Variants in SPARC observed in about 807,000 individuals in gnomAD.
SPARC encodes the protein secreted protein acidic and cysteine rich.
A neutral mutation model predicts 37.7 loss-of-function variants in SPARC; 23 were observed. The ratio of observed to expected loss-of-function variants is 0.61; its 90% confidence interval spans 0.44 to 0.87. SPARC has a LOEUF of 0.87. SPARC is among the 40% of genes least tolerant of loss of function. The pLI is 0.00. For synonymous variants in SPARC, 155 were observed against 150.8 expected (o/e 1.03, Z -0.20); for missense variants, 312 against 389.0 (o/e 0.80, Z 1.66).
rs200935058 is a variant in SPARC at position 151,663,562 on chromosome 5, G to A, written c.*9C>T. The A allele has an allele frequency of 1.7e-5, 27 of 1,613,014 alleles. No homozygotes were observed. The highest frequency in any genetic ancestry group is 2.2e-5 in the South Asian group (2 of 91,044). ...AAAGAGAGAATCCGGTACTGTGGAA[G>A]GAGTGGATTTAGATCACAAGATCCT... On this transcript the variant is annotated 3_prime_UTR_variant, in exon 10 of 10. Transcript: ENST00000231061.
At chr5:151,663,708 G>T in intron 9 of SPARC, 109 bp from the exon 10 acceptor site, 2 of 1,022,944 alleles carry the variant, frequency 2.0e-6, no homozygotes, top group Non-Finnish European at 3.0e-6. Context: ...GGGTCTAGGT[G>T]GCCATGCAAG....
Position 151,667,486 on chromosome 5 carries a change from G to A in SPARC, c.566C>T (p.Thr189Ile). The stretch of plus-strand genomic sequence containing the variant: ...ACTTACCCGCAGCTTCTGCTTCTCA[G>A]TCAGAAGGTTGTTGTCCTCATCCCT... ...YERDEDNNLL[T>I]EKQKLRVKKI... Residue 189 changes from threonine to isoleucine, a missense_variant, in exon 7 of 10, where the codon ACT (threonine) becomes ATT (isoleucine). By Grantham distance (89) the Thr-to-Ile change is moderately conservative. Transcript: ENST00000231061. The A allele has an allele frequency of 6.2e-7, 1 of 1,614,230 alleles. No individual in the cohort carries two copies. The highest frequency in any genetic ancestry group is 8.5e-7 in the Non-Finnish European group (1 of 1,180,030).
rs779157619 is a variant in SPARC at position 151,664,167 on chromosome 5, CGGGTGGTGCAATGCTCCATG to C, written c.783_802del (p.Met262LeufsTer6). ...GTCCAGGTCACAGGTCTCGAAAAAGCGGGTGGTGCAATGCTCCATGGGGATGAGGGGAGCACGCAGTGGAG... is the reference window on the plus strand; with the variant it reads ...GTCCAGGTCACAGGTCTCGAAAAAGCGGGATGAGGGGAGCACGCAGTGGAG... On this transcript the variant is annotated frameshift_variant, in exon 9 of 10. Transcript: ENST00000231061. LOFTEE classifies it high-confidence loss of function. 1 of 1,614,138 alleles carries C rather than the reference CGGGTGGTGCAATGCTCCATG, an allele frequency of 6.2e-7. No individual in the cohort carries two copies. The highest frequency in any genetic ancestry group is 8.5e-7 in the Non-Finnish European group (1 of 1,180,022).
chr5:151,669,627 C>A, intron 6 of SPARC, 37 bp downstream of exon 6: 1 of 1,608,578 alleles, frequency 6.2e-7, no homozygotes, highest in Non-Finnish European at 8.5e-7. Context: ...AGCTCTCTCC[C>A]CAAGACAGGA....
chr5:151,675,713 T>G (rs756931922), intron 2 of SPARC, among the ~76,000 whole-genome samples: 4 of 152,164 alleles, frequency 2.6e-5, no homozygotes, highest in Non-Finnish European at 5.9e-5. Context: ...GAACTGTTGC[T>G]TACAACCAAA....
Position 151,680,216 on chromosome 5 carries a change from C to CTTTTTTTTTT in SPARC, c.-13-4025_-13-4016dup, listed in dbSNP as rs58021431. On this transcript the variant is annotated intron_variant, in intron 1 of 9. Transcript: ENST00000231061. The stretch of plus-strand genomic sequence containing the variant: ...TGCAATAGAGAATAGTGGAAAACAT[C>CTTTTTTTTTT]TTTTTTTTTTTTTTTTTTTTTTTTT... 5.1e-3 allele frequency among the ~76,000 whole-genome samples: 316 copies of CTTTTTTTTTT among 61,994 alleles called. 63 individuals carry two copies. Among genetic ancestry groups the CTTTTTTTTTT allele is most frequent in the African/African-American group, 0.014 (183 of 13,354 alleles). The allele number at this position is 61,994 out of a possible 152,430, so 40.7% of individuals were successfully genotyped here.
intron 1 of SPARC, among the ~76,000 whole-genome samples, chr5:151,682,387 A>G (rs1761015409): frequency 6.6e-6 from 1 of 152,200 alleles, no homozygotes; most frequent in South Asian, 2.1e-4. Flanking sequence ...GGTGACCACA[A>G]ATGAAAGGAT....
At chr5:151,685,810 T>A (rs1581535403) in intron 1 of SPARC, 1 of 152,324 alleles carries the variant, frequency 6.6e-6, no homozygotes, top group East Asian at 1.9e-4. Flanking sequence ...TGCATGCCTC[T>A]CTGTTCCCTT....
At chr5:151,673,738 G>C (rs61245870) in intron 3 of SPARC, among the ~76,000 whole-genome samples, 26,052 of 152,104 alleles carry the variant, frequency 0.17, 4,015 homozygotes, top group African/African-American at 0.42. Context: ...CTCAACCAAT[G>C]CACAATTTAG....
At chr5:151,671,098 T>C (rs1760739755) in intron 5 of SPARC, among the ~76,000 whole-genome samples, 1 of 152,252 alleles carries the variant, frequency 6.6e-6, no homozygotes, top group Admixed American at 6.5e-5. Flanking sequence ...ATACTTGTTA[T>C]GTACCAAACA....
chr5:151,672,209 G>A (rs1760762717), intron 4 of SPARC, among the ~76,000 whole-genome samples: 1 of 152,212 alleles, frequency 6.6e-6, no homozygotes, highest in African/African-American at 2.4e-5. Flanking sequence ...ACCGGATGAG[G>A]TGGGCGTGGA....
rs1255754001 is a variant in SPARC, at chr5:151,664,077, A to G, written c.883+10T>C. 1.2e-6 allele frequency: 2 copies of G among 1,614,116 alleles called. No individual in the cohort carries two copies. The highest frequency in any genetic ancestry group is 3.3e-5 in the Admixed American group (2 of 60,028). On this transcript the variant is annotated intron_variant, in intron 9 of 9. Transcript: ENST00000231061. Reference sequence around the variant, plus strand: ...GCCCATGCCCCTTGCTTCTTTGTTCAGACACTCACTCTGCTTGATGCCGAA... The same window carrying G: ...GCCCATGCCCCTTGCTTCTTTGTTCGGACACTCACTCTGCTTGATGCCGAA...
At chr5:151,685,793 A>G (rs2113127590) in intron 1 of SPARC, 1 of 152,318 alleles carries the variant, frequency 6.6e-6, no homozygotes, top group East Asian at 1.9e-4. Context: ...TCCTTTCCTG[A>G]GGAAAATGCA....
Position 151,661,450 on chromosome 5 carries a change from G to A in SPARC, c.*2121C>T, listed in dbSNP as rs1760500478. On this transcript the variant is annotated 3_prime_UTR_variant, in exon 10 of 10. Transcript: ENST00000231061. ...AGAAGAGAACACCAGAATACAGTTT[G>A]ATTTTTTAGGAGCTTTTATTGTTTT... is the stretch of plus-strand genomic sequence containing the variant. 1 of 152,172 alleles carries A rather than the reference G, an allele frequency of 6.6e-6. No individual in the cohort carries two copies. Among genetic ancestry groups the A allele is most frequent in the South Asian group, 2.1e-4 (1 of 4,830 alleles). 9.4% of individuals were successfully genotyped at this position (152,172 alleles called of 1,614,324 possible).
In SPARC at chr5:151,664,129, T is replaced by G. The variant is rs754806128; in HGVS notation, c.841A>C (p.Ile281Leu). Residue 281 changes from isoleucine (I) to leucine (L), a missense_variant, in exon 9 of 10, where the codon ATC becomes CTC. Coordinates refer to ENST00000231061, the MANE Select transcript of SPARC (RefSeq NM_003118.4). ...CAGCCGGCCCACTCATCCAGGGCGA[T>G]GTACTTGTCATTGTCCAGGTCACAG... ...ETCDLDNDKYIALDEWAGCFG... is the reference protein window; with the variant it reads ...ETCDLDNDKYLALDEWAGCFG... 12 of 1,614,196 alleles carry G rather than the reference T, an allele frequency of 7.4e-6. No homozygotes were observed. The highest frequency in any genetic ancestry group is 1.0e-5 in the Non-Finnish European group (12 of 1,180,034).
chr5:151,676,427 A>G (rs1249036893), intron 1 of SPARC, among the ~76,000 whole-genome samples: 1 of 152,210 alleles, frequency 6.6e-6, no homozygotes, highest in Non-Finnish European at 1.5e-5. Context: ...ATACTCATCT[A>G]TCTCCTTTTT....
chr5:151,671,916 T>G, intron 4 of SPARC: 1 of 531,216 alleles, frequency 1.9e-6, no homozygotes, highest in South Asian at 2.6e-5. Flanking sequence ...GAGATAGAGG[T>G]CAGGCACTTC....
intron 2 of SPARC, 88 bp from the exon 3 acceptor site, chr5:151,674,762 G>T: frequency 7.6e-7 from 1 of 1,311,724 alleles, no homozygotes. Context: ...ATACAGGCTA[G>T]GGGAGCTTGG....
intron 4 of SPARC, 113 bp from the exon 5 acceptor site, chr5:151,671,807 G>A (rs1282854899): frequency 6.4e-6 from 9 of 1,415,366 alleles, no homozygotes; most frequent in African/African-American, 4.3e-5. Flanking sequence ...CCCACTCTGG[G>A]CTTTGGACAG....
Sources: gnomAD v4.1 joint callset for allele counts (sites outside exome capture counted in the v4.1 genomes callset) on GRCh38, gnomAD v4.1.1 for gene constraint, MANE v1.5 for transcripts, NCBI Gene and HGNC (gene_info 2026-07-23, HGNC 2026-07-21) for gene names.